FLT3: variants seen among roughly 807,000 people sequenced by gnomAD.
The protein encoded by FLT3 is receptor-type tyrosine-protein kinase FLT3.
FLT3 carries 46 observed loss-of-function variants against 126.6 expected under a neutral mutation model. That is an observed-to-expected ratio of 0.36 (90% CI 0.29 to 0.46). The LOEUF is 0.46. Ranked by LOEUF, FLT3 falls within the 20% of genes least tolerant of loss-of-function variation. FLT3 has a pLI of 1.00. For synonymous variants in FLT3, 404 were observed against 434.4 expected (o/e 0.93, Z 0.87); for missense variants, 1,069 against 1,190.3 (o/e 0.90, Z 1.50).
chr13:28,049,522 T>A lies in FLT3; in HGVS notation c.898A>T (p.Met300Leu). 5 of 1,613,870 alleles carry A rather than the reference T, an allele frequency of 3.1e-6. No individual in the cohort carries two copies. Among genetic ancestry groups the A allele is most frequent in the Non-Finnish European group, 4.2e-6 (5 of 1,179,850 alleles). ...GTTCTGTTTGTTGAATAGGTACTCA[T>A]CTCAAAGTAGTTGCCCTAGGTTTTA... ...KALEEGNYFE[M>L]STYSTNRTMI... The change falls in exon 8 of 24, where the codon ATG (methionine) becomes TTG (leucine). Residue 300 changes from methionine (M) to leucine (L), a missense_variant. Coordinates refer to ENST00000241453, the MANE Select transcript of FLT3 (RefSeq NM_004119.3).
intron 9 of FLT3, among the ~76,000 whole-genome samples, chr13:28,040,587 C>T (rs947013281): frequency 7.9e-5 from 12 of 152,112 alleles, no homozygotes; most frequent in Non-Finnish European, 1.3e-4. Context: ...TTTGAGCCCA[C>T]GTTTGTGTGA....
At chr13:28,039,116 G>A (rs1341315225) in intron 9 of FLT3, among the ~76,000 whole-genome samples, 3 of 152,190 alleles carry the variant, frequency 2.0e-5, no homozygotes, top group African/African-American at 4.8e-5. Context: ...GACTGAAGGC[G>A]CCAGACGGGA....
intron 15 of FLT3, among the ~76,000 whole-genome samples, chr13:28,031,575 G>A (rs1319269752): frequency 6.6e-6 from 1 of 152,226 alleles, no homozygotes; most frequent in Admixed American, 6.5e-5. Flanking sequence ...AGCCTGCAGA[G>A]AGCTAATGTC....
intron 1 of FLT3, among the ~76,000 whole-genome samples, chr13:28,076,797 T>C (rs1877953907): frequency 6.6e-6 from 1 of 152,038 alleles, no homozygotes; most frequent in African/African-American, 2.4e-5. Flanking sequence ...TGTGGTAGCA[T>C]GTATCTGTAG....
intron 2 of FLT3, among the ~76,000 whole-genome samples, chr13:28,062,587 A>G (rs919178493): frequency 6.6e-6 from 1 of 151,970 alleles, no homozygotes; most frequent in Non-Finnish European, 1.5e-5. Flanking sequence ...TACTAAAAAT[A>G]CAAAAAATAA....
chr13:28,049,385 T>G lies in FLT3; in HGVS notation c.1035A>C (p.Val345=). ...HPSQSALVTI[V]EKGFINATNS... is the part of the protein sequence containing the mutation. ...GATTGTGTGAGCAGCCTGCATTACC[T>G]ACGATGGTAACCAAAGCTGATTGAC... Residue 345 remains valine (V), a splice_region_variant and synonymous_variant, in exon 8 of 24, where the codon GTA becomes GTC. Coordinates refer to ENST00000241453, the MANE Select transcript of FLT3 (RefSeq NM_004119.3). The G allele has an allele frequency of 6.2e-7, 1 of 1,613,092 alleles. No individual in the cohort carries two copies. Among genetic ancestry groups the G allele is most frequent in the Non-Finnish European group, 8.5e-7 (1 of 1,179,542 alleles).
chr13:28,007,419 T>A (rs919437284), intron 23 of FLT3, among the ~76,000 whole-genome samples: 5 of 152,000 alleles, frequency 3.3e-5, no homozygotes, highest in African/African-American at 1.2e-4. Flanking sequence ...GTTAATTTTT[T>A]AATTTTTGGT....
intron 1 of FLT3, among the ~76,000 whole-genome samples, chr13:28,074,843 A>T (rs9513029): frequency 1.3e-5 from 2 of 151,686 alleles, no homozygotes; most frequent in Admixed American, 6.6e-5. Flanking sequence ...TTTTTTGTCC[A>T]GGCTGGTCTC....
At chr13:28,027,700 C>T (rs1185054440) in intron 16 of FLT3, among the ~76,000 whole-genome samples, 1 of 152,194 alleles carries the variant, frequency 6.6e-6, no homozygotes, top group Non-Finnish European at 1.5e-5. Flanking sequence ...GAACCTTGGG[C>T]ACATCATTTG....
chr13:28,035,717 T>A (rs1238986888), intron 11 of FLT3, 44 bp from the exon 12 acceptor site: 10 of 1,564,966 alleles, frequency 6.4e-6, no homozygotes, highest in Non-Finnish European at 8.7e-6. Context: ...TGAGCTGTCA[T>A]CAGATTGGAA....
intron 1 of FLT3, among the ~76,000 whole-genome samples, chr13:28,072,177 T>C (rs1008968625): frequency 6.6e-6 from 1 of 150,698 alleles, no homozygotes; most frequent in African/African-American, 2.4e-5. Flanking sequence ...AATGTGTGTA[T>C]GTATATGTAT....
intron 9 of FLT3, among the ~76,000 whole-genome samples, chr13:28,037,594 G>C (rs1340849754): frequency 2.0e-5 from 3 of 152,130 alleles, no homozygotes; most frequent in East Asian, 1.9e-4. Flanking sequence ...ATGCCCATTG[G>C]GAGTTGGGAT....
intron 1 of FLT3, among the ~76,000 whole-genome samples, chr13:28,096,381 G>A (rs1879450554): frequency 6.6e-6 from 1 of 151,804 alleles, no homozygotes; most frequent in South Asian, 2.1e-4. Context: ...TAGTTTTAGG[G>A]GGCAAAAAAC....
intron 3 of FLT3, among the ~76,000 whole-genome samples, chr13:28,061,084 G>A (rs1432956135): frequency 7.9e-5 from 12 of 151,770 alleles, no homozygotes; most frequent in African/African-American, 1.2e-4. Context: ...GGCCGGGCAC[G>A]GTGGCTCATG....
At chr13:28,098,011 T>C (rs567228671) in intron 1 of FLT3, among the ~76,000 whole-genome samples, 2 of 152,222 alleles carry the variant, frequency 1.3e-5, no homozygotes, top group East Asian at 3.9e-4. Context: ...TATTCATAAA[T>C]GATGAATAGA....
chr13:28,021,731 T>C (rs1410312556), intron 19 of FLT3, among the ~76,000 whole-genome samples: 1 of 151,928 alleles, frequency 6.6e-6, no homozygotes, highest in Non-Finnish European at 1.5e-5. Flanking sequence ...CCAGCCTATT[T>C]ATTTATTTTT....
chr13:28,003,806 T>G lies in FLT3; in HGVS notation c.*246A>C. 1.9e-6 allele frequency: 1 copy of G among 513,980 alleles called. No homozygotes were observed. The highest frequency in any genetic ancestry group is 3.5e-6 in the Non-Finnish European group (1 of 286,480). The allele number at this position is 513,980 out of a possible 1,614,324, so 31.8% of individuals were successfully genotyped here. ...TCACTCAAGCCAGCCTGAGAAGGCC[T>G]TGGATGCAGATCAATGCTCCAATAA... On this transcript the variant is annotated 3_prime_UTR_variant, in exon 24 of 24. Coordinates refer to ENST00000241453, the MANE Select transcript of FLT3 (RefSeq NM_004119.3).
At chr13:28,061,637 G>T (rs1161892965) in intron 3 of FLT3, among the ~76,000 whole-genome samples, 1 of 151,972 alleles carries the variant, frequency 6.6e-6, no homozygotes, top group Non-Finnish European at 1.5e-5. Context: ...GGGTGTGGTG[G>T]CACGCGCCTG....
At chr13:28,029,897 G>C (rs1873160057) in intron 15 of FLT3, among the ~76,000 whole-genome samples, 1 of 152,184 alleles carries the variant, frequency 6.6e-6, no homozygotes, top group African/African-American at 2.4e-5. Context: ...ACAGTGTGAG[G>C]AAAGTCACTA....
Sources: allele counts gnomAD v4.1 joint callset (sites outside exome capture counted in the v4.1 genomes callset), GRCh38; gene constraint gnomAD v4.1.1; transcripts MANE v1.5; gene names NCBI Gene and HGNC (gene_info 2026-07-23, HGNC 2026-07-21).